Variants in FGD4 observed in about 807,000 individuals in gnomAD.
FGD4 encodes FYVE, RhoGEF and PH domain-containing protein 4.
In FGD4, 42 loss-of-function variants were observed where a neutral mutation model predicts 102.0. That is an observed-to-expected ratio of 0.41 (90% CI 0.32 to 0.53). The LOEUF is 0.53. Among genes scored for constraint, FGD4 ranks in the 20% least tolerant of loss-of-function variants. FGD4 has a pLI of 0.21. For synonymous variants in FGD4, 380 were observed against 375.7 expected (o/e 1.01, Z -0.13); for missense variants, 902 against 1,078.2 (o/e 0.84, Z 2.29).
chr12:32,618,734 G>T (rs1473007401), intron 10 of FGD4, among the ~76,000 whole-genome samples: 1 of 152,142 alleles, frequency 6.6e-6, no homozygotes, highest in African/African-American at 2.4e-5. Context: ...ACTTTGGGAG[G>T]CCAAGGCAGG....
Position 32,625,076 on chromosome 12 carries a change from GAATTA to G in FGD4, c.2046+13_2046+17del. The G allele has an allele frequency of 6.2e-7, 1 of 1,606,482 alleles. No homozygotes were observed. The highest frequency in any genetic ancestry group is 8.5e-7 in the Non-Finnish European group (1 of 1,174,012). On this transcript the variant is annotated intron_variant, in intron 13 of 16. Coordinates refer to ENST00000534526, the MANE Select transcript of FGD4 (RefSeq NM_001370298.3). ...ATTCACTCAGAGGTTTCTGTGAGTT[GAATTA>G]AATTCTTAACTTCAACCTCTTTCAT...
intron 1 of FGD4, among the ~76,000 whole-genome samples, chr12:32,545,290 C>G (rs1674242224): frequency 6.6e-6 from 1 of 152,180 alleles, no homozygotes; most frequent in Non-Finnish European, 1.5e-5. Context: ...GCTAGATCAA[C>G]TGTGTATGGT....
intron 1 of FGD4, among the ~76,000 whole-genome samples, chr12:32,451,887 G>A (rs1591927312): frequency 1.5e-5 from 2 of 135,466 alleles, no homozygotes; most frequent in Admixed American, 1.6e-4. Flanking sequence ...TTAAGATCAT[G>A]CTGATATTCT....
chr12:32,610,531 A>G (rs1056259489), intron 8 of FGD4, among the ~76,000 whole-genome samples: 2 of 152,218 alleles, frequency 1.3e-5, no homozygotes, highest in African/African-American at 2.4e-5. Flanking sequence ...TTGATGGTTC[A>G]TTGGGGATTA....
intron 1 of FGD4, among the ~76,000 whole-genome samples, chr12:32,499,676 C>T (rs1938043577): frequency 6.6e-6 from 1 of 152,194 alleles, no homozygotes; most frequent in Non-Finnish European, 1.5e-5. Context: ...CTCACAGGTA[C>T]TCTGAAAATT....
At chr12:32,487,507 C>T (rs922614040) in intron 1 of FGD4, among the ~76,000 whole-genome samples, 3 of 146,580 alleles carry the variant, frequency 2.0e-5, no homozygotes, top group Non-Finnish European at 3.0e-5. Context: ...GATCTCGGCT[C>T]ACTGCAACCT....
Position 32,633,844 on chromosome 12 carries a change from C to T in FGD4, c.2313+155C>T, listed in dbSNP as rs374822443. ...AATTACAGGCCCACGCCACCATGCC[C>T]GGCTAATTTTTGTATTTTTAGTAGG... On this transcript the variant is annotated intron_variant, in intron 15 of 16. Transcript: ENST00000534526. 9.2e-5 allele frequency among the ~76,000 whole-genome samples: 14 copies of T among 152,270 alleles called. 2 individuals carry two copies. Among genetic ancestry groups the T allele is most frequent in the South Asian group, 2.1e-4 (1 of 4,828 alleles).
intron 3 of FGD4, among the ~76,000 whole-genome samples, chr12:32,581,045 C>G (rs967984552): frequency 6.6e-6 from 1 of 151,924 alleles, no homozygotes; most frequent in African/African-American, 2.4e-5. Context: ...ATGGAGAGTG[C>G]TGTTATGATA....
At chr12:32,528,214 G>T (rs1941449744) in intron 1 of FGD4, among the ~76,000 whole-genome samples, 2 of 152,156 alleles carry the variant, frequency 1.3e-5, no homozygotes, top group East Asian at 3.9e-4. Flanking sequence ...TGGGATTACA[G>T]GCGTGAGCCA....
chr12:32,477,943 T>C (rs1943622918), intron 1 of FGD4, among the ~76,000 whole-genome samples: 1 of 152,220 alleles, frequency 6.6e-6, no homozygotes, highest in Non-Finnish European at 1.5e-5. Flanking sequence ...TCGAGTCATC[T>C]ATTAGGTTTG....
chr12:32,575,656 T>C (rs1462275844), intron 2 of FGD4, among the ~76,000 whole-genome samples: 3 of 152,174 alleles, frequency 2.0e-5, no homozygotes, highest in African/African-American at 7.2e-5. Context: ...TAAGCCTTCA[T>C]AGACATAAGA....
intron 1 of FGD4, among the ~76,000 whole-genome samples, chr12:32,485,430 A>C (rs1029158830): frequency 6.9e-6 from 1 of 144,002 alleles, no homozygotes; most frequent in Non-Finnish European, 1.5e-5. Flanking sequence ...AGATCTTTTA[A>C]GACCAATTTT....
At chr12:32,555,850 G>A (rs1233823777) in intron 1 of FGD4, among the ~76,000 whole-genome samples, 2 of 151,484 alleles carry the variant, frequency 1.3e-5, no homozygotes, top group African/African-American at 4.9e-5. Context: ...GATTACAGGC[G>A]TGAGCCACTG....
At chr12:32,487,183 A>G (rs1024365215) in intron 1 of FGD4, among the ~76,000 whole-genome samples, 1 of 152,198 alleles carries the variant, frequency 6.6e-6, no homozygotes, top group Non-Finnish European at 1.5e-5. Flanking sequence ...ATGAATTTGT[A>G]AGACTGTCTT....
chr12:32,521,268 C>T (rs1425841308), intron 1 of FGD4, among the ~76,000 whole-genome samples: 4 of 149,204 alleles, frequency 2.7e-5, no homozygotes, highest in African/African-American at 5.0e-5. Context: ...TCCAGCTACT[C>T]GGGAGGCTGA....
chr12:32,489,148 C>A (rs764499161), intron 1 of FGD4, among the ~76,000 whole-genome samples: 28 of 152,178 alleles, frequency 1.8e-4, no homozygotes, highest in Middle Eastern at 3.2e-3. Context: ...TTTCATGCAT[C>A]TCAGCCTATG....
chr12:32,640,396 G>T lies in FGD4; in HGVS notation c.2575G>T (p.Ala859Ser). 1.9e-6 allele frequency: 3 copies of T among 1,614,206 alleles called. No homozygotes were observed. The highest frequency in any genetic ancestry group is 2.5e-6 in the Non-Finnish European group (3 of 1,180,030). ...TQSKSVHSFA[A>S]DSEELKQKWL... ...GTCTAAGTCCGTGCACAGCTTTGCT[G>T]CAGACAGTGAGGAACTGAAGCAGAA... The change falls in exon 17 of 17, where the codon GCA becomes TCA. Residue 859 changes from alanine (A) to serine (S), a missense_variant. By Grantham distance (99) the Ala-to-Ser change is moderately conservative. Around this residue, in one of 2 missense-constraint regions of FGD4, gnomAD observed 459 missense variants for 619.0 expected, o/e 0.74. Coordinates refer to ENST00000534526, the MANE Select transcript of FGD4 (RefSeq NM_001370298.3).
At position 32,539,982 on chromosome 12, in the gene FGD4, A is replaced by G. The variant is rs59023860; in HGVS notation, c.167-24155A>G. On this transcript the variant is annotated intron_variant, in intron 1 of 16. Transcript: ENST00000534526. ...GTTTTTCTCTAATATTGCCCAGTAAATTTTTTTTAAATTTATTTCCATCAG... is the reference window on the plus strand; with the variant it reads ...GTTTTTCTCTAATATTGCCCAGTAAGTTTTTTTTAAATTTATTTCCATCAG... 9.0e-3 allele frequency among the ~76,000 whole-genome samples: 1,365 copies of G among 152,116 alleles called. 22 individuals are homozygous for G. Among genetic ancestry groups the G allele is most frequent in the African/African-American group, 0.031 (1,280 of 41,504 alleles).
intron 1 of FGD4, among the ~76,000 whole-genome samples, chr12:32,518,390 A>G (rs1195091308): frequency 1.3e-5 from 2 of 152,210 alleles, no homozygotes; most frequent in African/African-American, 4.8e-5. Context: ...AGGCAGGACA[A>G]TCGCTTGAAC....
Sources: allele counts gnomAD v4.1 joint callset (sites outside exome capture counted in the v4.1 genomes callset), GRCh38; gene constraint gnomAD v4.1.1; regional missense constraint gnomAD v4.1.1; transcripts MANE v1.5; gene names NCBI Gene and HGNC (gene_info 2026-07-23, HGNC 2026-07-21).